Variants in DPF1 observed in about 807,000 individuals in gnomAD.
DPF1 encodes zinc finger protein neuro-d4.
DPF1 carries 14 observed loss-of-function variants against 58.7 expected under a neutral mutation model. That is an observed-to-expected ratio of 0.24 (90% CI 0.16 to 0.37). The LOEUF is 0.37. Ranked by LOEUF, DPF1 falls within the 10% of genes least tolerant of loss-of-function variation. DPF1 has a pLI of 1.00. For missense variants in DPF1, 345 were observed against 529.9 expected, an observed-to-expected ratio of 0.65 and a Z score of 3.43; for synonymous variants, 216 against 216.0, an observed-to-expected ratio of 1.00 and a Z score of 0.00.
At chr19:38,214,831 CTTTTTTTTTT>C (rs36047300) in intron 9 of DPF1, among the ~76,000 whole-genome samples, 1 of 89,396 alleles carries the variant, frequency 1.1e-5, no homozygotes, top group African/African-American at 4.7e-5. Flanking sequence ...TATGCCCAGC[CTTTTTTTTTT>C]TTTTTTTTTT....
intron 10 of DPF1, among the ~76,000 whole-genome samples, chr19:38,213,437 C>G (rs1973606695): frequency 6.6e-6 from 1 of 152,178 alleles, no homozygotes; most frequent in African/African-American, 2.4e-5. Flanking sequence ...GAAACAAGAC[C>G]ACCTGCTTCA....
chr19:38,216,989 A>G lies in DPF1; in HGVS notation c.727+471T>C, dbSNP rs565226938. 2.0e-5 allele frequency among the ~76,000 whole-genome samples: 3 copies of G among 152,154 alleles called. No individual in the cohort carries two copies. In the South Asian group the frequency reaches 6.3e-4, roughly 32 times the overall value. On this transcript the variant is annotated intron_variant, in intron 7 of 11. Coordinates refer to ENST00000355526, the MANE Select transcript of DPF1 (RefSeq NM_001135155.3). ...GTGTGTAGTGGCCAGGGGTGAAGAC[A>G]CTCAGCCTCTGCCTCTGAGAGATAG...
rs756050206 is a variant in DPF1, at chr19:38,222,318, C to T, written c.298+39G>A. ...GACGAGTGCTAGGACACACAGCAGG[C>T]GCTGGGACACCGATGGGGGCCCCAG... On this transcript the variant is annotated intron_variant, in intron 3 of 11. Coordinates refer to ENST00000355526, the MANE Select transcript of DPF1 (RefSeq NM_001135155.3). This position sits in a 1 kb window ranked among gnomAD's most constrained non-coding sequence, Gnocchi z 4.9. 3 of 1,529,370 alleles carry T rather than the reference C, an allele frequency of 2.0e-6. No homozygotes were observed. Among genetic ancestry groups the T allele is most frequent in the South Asian group, 2.4e-5 (2 of 84,976 alleles). 94.7% of individuals were successfully genotyped at this position (1,529,370 alleles called of 1,614,324 possible). A position where few individuals can be genotyped will look rare whatever the true frequency, so the allele number is the denominator to read the frequency against.
Position 38,217,478 on chromosome 19 carries a change from G to A in DPF1, c.709C>T (p.Arg237Trp), listed in dbSNP as rs969513094. Residue 237 changes from arginine to tryptophan, a missense_variant, in exon 7 of 12, where the codon CGG becomes TGG. Physicochemically the swap from Arg to Trp is moderately radical, Grantham distance 101 (BLOSUM62 -3). Coordinates refer to ENST00000355526, the MANE Select transcript of DPF1 (RefSeq NM_001135155.3). ...NAERHALPFH[R>W]KNNHKQFYKE... ...AGCTCACGTTTATGGTTGTTTTTCC[G>A]GTGGAAGGGCAGGGCGTGGCGTTCG... The A allele has an allele frequency of 3.9e-6, 6 of 1,541,980 alleles. No individual in the cohort carries two copies. The highest frequency in any genetic ancestry group is 2.5e-5 in the East Asian group (1 of 40,336).
chr19:38,220,310 A>AAGAAAGAAAGAAAG (rs1267345139), intron 3 of DPF1, among the ~76,000 whole-genome samples: 14 of 99,192 alleles, frequency 1.4e-4, no homozygotes, highest in Non-Finnish European at 2.2e-4. Flanking sequence ...AAGAAAGAGA[A>AAGAAAGAAAGAAAG]AGAAAGAAAG....
At chr19:38,220,297 AG>A (rs1225284161) in intron 3 of DPF1, among the ~76,000 whole-genome samples, 1 of 99,392 alleles carries the variant, frequency 1.0e-5, no homozygotes, top group East Asian at 2.5e-4. Context: ...AGAGAGAGAG[AG>A]AAAGAAAGAG....
At position 38,222,764 on chromosome 19, in the gene DPF1, GC is replaced by G; in HGVS notation, c.30-57del. 6.8e-7 allele frequency: 1 copy of G among 1,476,128 alleles called. No individual in the cohort carries two copies. The highest frequency in any genetic ancestry group is 9.0e-7 in the Non-Finnish European group (1 of 1,112,570). 91.4% of individuals were successfully genotyped at this position (1,476,128 alleles called of 1,614,324 possible). ...TCAGCAAGGGCAGGCGCACAGGGTC[GC>G]CCAGCACCCCTTCCCCGGCTGCCGG... On this transcript the variant is annotated intron_variant, in intron 1 of 11. Transcript: ENST00000355526. The surrounding 1 kb of genome is among the most constrained non-coding windows in gnomAD (Gnocchi z 4.9).
rs1264007166 is a variant in DPF1 at position 38,213,732 on chromosome 19, G to A, written c.923C>T (p.Thr308Met). ...CCGCACGGCTGCCGTCATGTTCACC[G>A]TGAATTGTAAACACGAGGGGTGTCC... The part of the protein sequence containing the change: ...RSGHPSCLQF[T>M]VNMTAAVRTY... The change falls in exon 10 of 12, where the codon ACG becomes ATG. Residue 308 changes from threonine (T) to methionine (M), a missense_variant. Coordinates refer to ENST00000355526, the MANE Select transcript of DPF1 (RefSeq NM_001135155.3). The A allele has an allele frequency of 1.9e-6, 3 of 1,613,862 alleles. No individual in the cohort carries two copies. Among genetic ancestry groups the A allele is most frequent in the Non-Finnish European group, 1.7e-6 (2 of 1,179,838 alleles).
At chr19:38,218,064 T>TG (rs1178673121) in intron 5 of DPF1, among the ~76,000 whole-genome samples, 188 bp from the exon 6 acceptor site, 6 of 152,212 alleles carry the variant, frequency 3.9e-5, no homozygotes, top group Admixed American at 3.3e-4. Flanking sequence ...TAGCTGGGCA[T>TG]GGTGGCGCGT....
rs754300962 is a variant in DPF1 at position 38,219,000 on chromosome 19, A to C, written c.357T>G (p.Ala119=). The change falls in exon 4 of 12, where the codon GCT becomes GCG. Residue 119 remains alanine (A), a synonymous_variant. Coordinates refer to ENST00000355526, the MANE Select transcript of DPF1 (RefSeq NM_001135155.3). ...TCTCCCCCGTCTCTGCACACAGTAG[A>C]GCCTCGAGGACCGGCCCTTCCGGGA... ...GGLPEGPVLE[A]LLCAETGEKK... 1 of 1,613,974 alleles carries C rather than the reference A, an allele frequency of 6.2e-7. No individual in the cohort carries two copies. Among genetic ancestry groups the C allele is most frequent in the Non-Finnish European group, 8.5e-7 (1 of 1,180,024 alleles).
At chr19:38,226,358 G>T (rs1184570731), upstream of DPF1, among the ~76,000 whole-genome samples, 1 of 149,200 alleles carries the variant, frequency 6.7e-6, no homozygotes, top group Non-Finnish European at 1.5e-5. Flanking sequence ...GGCGGCTGCT[G>T]TAATTAACAC....
rs1405821420 is a variant in DPF1 at position 38,218,997 on chromosome 19, T to A, written c.360A>T (p.Leu120=). 1.2e-6 allele frequency: 2 copies of A among 1,614,052 alleles called. No individual in the cohort carries two copies. Among genetic ancestry groups the A allele is most frequent in the East Asian group, 4.5e-5 (2 of 44,894 alleles). Residue 120 remains leucine, a synonymous_variant, in exon 4 of 12, where the codon CTA becomes CTT. Coordinates refer to ENST00000355526, the MANE Select transcript of DPF1 (RefSeq NM_001135155.3). The stretch of plus-strand genomic sequence containing the variant: ...TCTTCTCCCCCGTCTCTGCACACAG[T>A]AGAGCCTCGAGGACCGGCCCTTCCG... ...GLPEGPVLEA[L]LCAETGEKKI...
chr19:38,222,272 T>G lies in DPF1; in HGVS notation c.298+85A>C. 1.7e-6 allele frequency: 2 copies of G among 1,203,212 alleles called. No homozygotes were observed. Among genetic ancestry groups the G allele is most frequent in the East Asian group, 5.3e-5 (2 of 37,998 alleles). The allele number at this position is 1,203,212 out of a possible 1,614,324, so 74.5% of individuals were successfully genotyped here. A position where few individuals can be genotyped will look rare whatever the true frequency, so the allele number is the denominator to read the frequency against. On this transcript the variant is annotated intron_variant, in intron 3 of 11. Transcript: ENST00000355526. The surrounding 1 kb of genome is among the most constrained non-coding windows in gnomAD (Gnocchi z 4.9). ...CACAGCCAGCCAGGCAGACACTTGCTAGAAGGCGATAAAGGTGATGGACGA... is the reference window on the plus strand; with the variant it reads ...CACAGCCAGCCAGGCAGACACTTGCGAGAAGGCGATAAAGGTGATGGACGA...
Position 38,222,952 on chromosome 19 carries a change from A to C in DPF1, c.30-244T>G. ...TGAGTAGAAACACGATACAGAAACAAACAAAAACACACCGGGACGTATCCC... is the reference window on the plus strand; with the variant it reads ...TGAGTAGAAACACGATACAGAAACACACAAAAACACACCGGGACGTATCCC... On this transcript the variant is annotated intron_variant, in intron 1 of 11. Coordinates refer to ENST00000355526, the MANE Select transcript of DPF1 (RefSeq NM_001135155.3). This position sits in a 1 kb window ranked among gnomAD's most constrained non-coding sequence, Gnocchi z 4.9. 1 of 511,682 alleles carries C rather than the reference A, an allele frequency of 2.0e-6. No homozygotes were observed. The allele number at this position is 511,682 out of a possible 1,614,324, so 31.7% of individuals were successfully genotyped here.
intron 3 of DPF1, among the ~76,000 whole-genome samples, chr19:38,220,992 T>G (rs1190531350): frequency 6.6e-6 from 1 of 151,970 alleles, no homozygotes; most frequent in African/African-American, 2.4e-5. Flanking sequence ...AGGAAGATTC[T>G]CCCAGACACT....
In DPF1 at chr19:38,222,742, G is replaced by A. The variant is rs757355254; in HGVS notation, c.30-34C>T. On this transcript the variant is annotated intron_variant, in intron 1 of 11. Transcript: ENST00000355526. The surrounding 1 kb of genome is among the most constrained non-coding windows in gnomAD (Gnocchi z 4.9). ...GCGGCGAACGGGCGGGCGGCTGTCA[G>A]CAAGGGCAGGCGCACAGGGTCGCCC... is the stretch of plus-strand genomic sequence containing the variant. 49 of 1,541,214 alleles carry A rather than the reference G, an allele frequency of 3.2e-5. 1 individual carries two copies. In the South Asian group the frequency reaches 5.5e-4, roughly 17 times the overall value.
In DPF1 at chr19:38,222,342, A is replaced by G; in HGVS notation, c.298+15T>C. 1 of 1,584,322 alleles carries G rather than the reference A, an allele frequency of 6.3e-7. No homozygotes were observed. Among genetic ancestry groups the G allele is most frequent in the South Asian group, 1.2e-5 (1 of 86,864 alleles). ...GCGCTGGGACACCGATGGGGGCCCCAGCGGCTGCACCCACCGATCTTGTAC... is the reference window on the plus strand; with the variant it reads ...GCGCTGGGACACCGATGGGGGCCCCGGCGGCTGCACCCACCGATCTTGTAC... On this transcript the variant is annotated intron_variant, in intron 3 of 11. Coordinates refer to ENST00000355526, the MANE Select transcript of DPF1 (RefSeq NM_001135155.3). The surrounding 1 kb of genome is among the most constrained non-coding windows in gnomAD (Gnocchi z 4.9).
chr19:38,224,331 C>T (rs1227623723), upstream of DPF1: 1 of 1,232,662 alleles, frequency 8.1e-7, no homozygotes, highest in Admixed American at 4.3e-5. The surrounding 1 kb of genome is among the most constrained non-coding windows in gnomAD (Gnocchi z 4.5). Context: ...AGGGGGCCCC[C>T]GGGACCCCGC....
upstream of DPF1, among the ~76,000 whole-genome samples, chr19:38,225,822 G>A (rs564905840): frequency 7.4e-5 from 11 of 149,414 alleles, no homozygotes; most frequent in South Asian, 2.1e-4. Flanking sequence ...CCAGGAGATC[G>A]AAGCTGCAGT....
Sources: allele counts gnomAD v4.1 joint callset (sites outside exome capture counted in the v4.1 genomes callset), GRCh38; gene constraint gnomAD v4.1.1; non-coding constraint Gnocchi (gnomAD v3.1); transcripts MANE v1.5; gene names NCBI Gene and HGNC (gene_info 2026-07-23, HGNC 2026-07-21).